Variants in PNPLA8 observed in about 807,000 individuals in gnomAD.
PNPLA8 encodes the protein calcium-independent phospholipase A2-gamma.
PNPLA8 carries 39 observed loss-of-function variants against 76.9 expected under a neutral mutation model. That is an observed-to-expected ratio of 0.51 (90% CI 0.39 to 0.66). The LOEUF (loss-of-function observed/expected upper bound fraction) is 0.66, where lower values mean the gene tolerates loss of function less well. Among genes scored for constraint, PNPLA8 ranks in the 30% least tolerant of loss-of-function variants. The pLI, the probability that PNPLA8 is intolerant of heterozygous loss-of-function variation, is 0.00. For missense variants in PNPLA8, 887 were observed against 918.0 expected, an observed-to-expected ratio of 0.97 and a Z score of 0.44; for synonymous variants, 301 against 307.9, an observed-to-expected ratio of 0.98 and a Z score of 0.24.
intron 2 of PNPLA8, among the ~76,000 whole-genome samples, chr7:108,519,425 C>G (rs1045171630): frequency 6.6e-6 from 1 of 152,058 alleles, no homozygotes; most frequent in Non-Finnish European, 1.5e-5. Flanking sequence ...TAAGAAAGCA[C>G]AGATAGTATG....
intron 1 of PNPLA8, among the ~76,000 whole-genome samples, chr7:108,522,428 T>C (rs1326243599): frequency 6.6e-6 from 1 of 152,204 alleles, no homozygotes; most frequent in African/African-American, 2.4e-5. Context: ...ACATTTCTTC[T>C]ACTGATAGTA....
intron 4 of PNPLA8, among the ~76,000 whole-genome samples, chr7:108,506,562 G>A (rs1295214272): frequency 1.3e-5 from 2 of 152,068 alleles, no homozygotes; most frequent in African/African-American, 2.4e-5. Flanking sequence ...CCAAAGAAAC[G>A]AAGACCTATG....
chr7:108,524,049 G>A (rs934498947), intron 1 of PNPLA8, among the ~76,000 whole-genome samples: 79 of 152,278 alleles, frequency 5.2e-4, no homozygotes, highest in African/African-American at 1.9e-3. Flanking sequence ...TGGATTCACA[G>A]GATGAAGTAA....
At chr7:108,478,005 A>G (rs1408627869) in intron 10 of PNPLA8, among the ~76,000 whole-genome samples, 1 of 152,232 alleles carries the variant, frequency 6.6e-6, no homozygotes, top group Non-Finnish European at 1.5e-5. Flanking sequence ...CTTGCCTTGC[A>G]TTCTTGTTGG....
At chr7:108,522,794 T>C (rs998500652) in intron 1 of PNPLA8, among the ~76,000 whole-genome samples, 3 of 152,202 alleles carry the variant, frequency 2.0e-5, no homozygotes, top group Non-Finnish European at 4.4e-5. Flanking sequence ...ACCTATCAAC[T>C]TGGCATTAAA....
In PNPLA8 at chr7:108,518,494, C is replaced by A. The variant is rs563391854; in HGVS notation, c.-83-2920G>T. Among the ~76,000 whole-genome samples, 184 of 152,000 alleles carry A rather than the reference C, an allele frequency of 1.2e-3. 1 individual carries two copies. The highest frequency in any genetic ancestry group is 4.3e-3 in the African/African-American group (178 of 41,446). ...TACCAGGAATGAACCCAAATGTACA[C>A]TATGAACTTGGGGGACTGCGTGTGA... On this transcript the variant is annotated intron_variant, in intron 2 of 10. Transcript: ENST00000257694.
Position 108,485,246 on chromosome 7 carries a change from A to G in PNPLA8, c.1878+2513T>C, listed in dbSNP as rs915766793. 3.9e-5 allele frequency among the ~76,000 whole-genome samples: 6 copies of G among 152,180 alleles called. No homozygotes were observed. The East Asian group carries it at 1.2e-3, about 29-fold the overall frequency. ...TTTAAAAAGTAGTACTTCCATGTAC[A>G]TATTATGCTACTACTTGGGCAGATA... On this transcript the variant is annotated intron_variant, in intron 9 of 10. Transcript: ENST00000257694.
chr7:108,522,812 A>G (rs1863838045), intron 1 of PNPLA8, among the ~76,000 whole-genome samples: 1 of 152,232 alleles, frequency 6.6e-6, no homozygotes. Context: ...AAAATACAGT[A>G]CAAAAGGCCA....
At chr7:108,488,662 G>A (rs1259303516) in intron 8 of PNPLA8, among the ~76,000 whole-genome samples, 1 of 152,160 alleles carries the variant, frequency 6.6e-6, no homozygotes, top group Non-Finnish European at 1.5e-5. Flanking sequence ...CTCTTTGAAA[G>A]TATTTTGACT....
chr7:108,496,623 T>C lies in PNPLA8; in HGVS notation c.1586A>G (p.His529Arg), dbSNP rs1598909258. ...CCATGTTTGACTGTCATAAAATGCA[T>C]GGCTCCAACTCATTTTTACTGTTCC... ...IVGTVKMSWS[H>R]AFYDSQTWEN... The change falls in exon 7 of 11, where the codon CAT (histidine) becomes CGT (arginine). Residue 529 changes from histidine (H) to arginine (R), a missense_variant. His to Arg is a conservative substitution (Grantham distance 29). Transcript: ENST00000257694. 2 of 1,606,322 alleles carry C rather than the reference T, an allele frequency of 1.2e-6. No homozygotes were observed. Among genetic ancestry groups the C allele is most frequent in the Middle Eastern group, 1.7e-4 (1 of 6,044 alleles).
In PNPLA8 at chr7:108,479,261, TCA is replaced by T; in HGVS notation, c.1995_1996del (p.Ser665ArgfsTer14). 1 of 1,613,440 alleles carries T rather than the reference TCA, an allele frequency of 6.2e-7. No homozygotes were observed. Among genetic ancestry groups the T allele is most frequent in the Non-Finnish European group, 8.5e-7 (1 of 1,179,366 alleles). On this transcript the variant is annotated frameshift_variant, in exon 10 of 11. Transcript: ENST00000257694. LOFTEE classifies it high-confidence loss of function. Reference sequence around the variant, plus strand: ...TGTGTATGTTACCGTGTTTCTCACATCACTCTCATAACGTCCAGTGCCCAGGG... The same window carrying T: ...TGTGTATGTTACCGTGTTTCTCACATCTCTCATAACGTCCAGTGCCCAGGG...
At chr7:108,484,727 T>C (rs757474709) in intron 9 of PNPLA8, among the ~76,000 whole-genome samples, 2 of 152,206 alleles carry the variant, frequency 1.3e-5, no homozygotes, top group African/African-American at 4.8e-5. Context: ...CCTGTACATA[T>C]ATTGATGATT....
intron 2 of PNPLA8, among the ~76,000 whole-genome samples, chr7:108,519,122 C>T (rs981916095): frequency 2.0e-5 from 3 of 148,080 alleles, no homozygotes; most frequent in East Asian, 2.0e-4. Context: ...GAATTCATCA[C>T]GTGTAAAGAT....
intron 5 of PNPLA8, among the ~76,000 whole-genome samples, chr7:108,499,451 A>G (rs545772416): frequency 6.6e-6 from 1 of 152,252 alleles, no homozygotes; most frequent in African/African-American, 2.4e-5. Context: ...TTTTCTCTCA[A>G]TCCCTCATAC....
rs1859608295 is a variant in PNPLA8, at chr7:108,471,210, C to CTTT, written c.*1190_*1191insAAA. ...TAATAAGGTAAAACAAGCCTAACTTCTTCTTTTTTTTTTTTTTTTTTTTGA... is the reference window on the plus strand; with the variant it reads ...TAATAAGGTAAAACAAGCCTAACTTCTTTTTCTTTTTTTTTTTTTTTTTTTTGA... On this transcript the variant is annotated 3_prime_UTR_variant, in exon 11 of 11. Transcript: ENST00000257694. The CTTT allele has an allele frequency of 7.1e-6, 1 of 140,266 alleles. No individual in the cohort carries two copies. The highest frequency in any genetic ancestry group is 2.7e-5 in the African/African-American group (1 of 36,728). 8.7% of individuals were successfully genotyped at this position (140,266 alleles called of 1,614,324 possible).
chr7:108,514,151 G>A lies in PNPLA8; in HGVS notation c.1199C>T (p.Ala400Val). Residue 400 changes from alanine (A) to valine (V), a missense_variant, in exon 4 of 11, where the codon GCT becomes GTT. Transcript: ENST00000257694. Reference protein sequence around the residue: ...LLEFPEGKGVAVKERIIPYLL... With the variant: ...LLEFPEGKGVVVKERIIPYLL... Reference sequence around the variant, plus strand: ...AAATAAATTAGAAATTACCTTGACAGCCACTCCTTTTCCTTCAGGAAATTC... The same window carrying A: ...AAATAAATTAGAAATTACCTTGACAACCACTCCTTTTCCTTCAGGAAATTC... 1 of 1,596,080 alleles carries A rather than the reference G, an allele frequency of 6.3e-7. No individual in the cohort carries two copies. The highest frequency in any genetic ancestry group is 1.1e-5 in the South Asian group (1 of 88,776).
chr7:108,472,557 C>T lies in PNPLA8; in HGVS notation c.2193G>A (p.Gln731=). 1 of 1,612,496 alleles carries T rather than the reference C, an allele frequency of 6.2e-7. No homozygotes were observed. Residue 731 remains glutamine (Q), a synonymous_variant, in exon 11 of 11, where the codon CAG becomes CAA. Transcript: ENST00000257694. ...ESRNEKLDQL[Q]LEGLKYIERN... ...TTTCTATGTATTTCAACCCTTCCAACTGCAGCTGATCCAGCTTTTCATTTC... is the reference window on the plus strand; with the variant it reads ...TTTCTATGTATTTCAACCCTTCCAATTGCAGCTGATCCAGCTTTTCATTTC...
chr7:108,472,786 C>T (rs961208362), intron 10 of PNPLA8, 111 bp from the exon 11 acceptor site: 1 of 640,878 alleles, frequency 1.6e-6, no homozygotes, highest in African/African-American at 1.9e-5. Context: ...AGGCACATTA[C>T]AAAGATTCAC....
intron 2 of PNPLA8, among the ~76,000 whole-genome samples, chr7:108,516,794 C>A (rs548744958): frequency 1.3e-4 from 19 of 151,922 alleles, no homozygotes; most frequent in Admixed American, 1.0e-3. Context: ...CTCAGCTACT[C>A]GGGTGGCTGA....
Sources: allele counts gnomAD v4.1 joint callset (sites outside exome capture counted in the v4.1 genomes callset), GRCh38; gene constraint gnomAD v4.1.1; transcripts MANE v1.5; gene names NCBI Gene and HGNC (gene_info 2026-07-23, HGNC 2026-07-21).